ANKS1B: variants seen among roughly 807,000 people sequenced by gnomAD.
ANKS1B encodes ankyrin repeat and sterile alpha motif domain-containing protein 1B.
Under a neutral mutation model 148.3 loss-of-function variants are expected in ANKS1B, and 36 were observed. The observed-to-expected ratio is 0.24, with a 90% CI of 0.19 to 0.32. ANKS1B has a LOEUF of 0.32. ANKS1B is among the 10% of genes least tolerant of loss of function. The pLI, the probability that ANKS1B is intolerant of heterozygous loss-of-function variation, is 1.00. For missense variants in ANKS1B, 1,157 were observed against 1,542.6 expected (o/e 0.75, Z 4.19); for synonymous variants, 542 against 560.8 (o/e 0.97, Z 0.47).
chr12:99,284,031 A>G (rs2078810225), intron 12 of ANKS1B, among the ~76,000 whole-genome samples: 1 of 152,178 alleles, frequency 6.6e-6, no homozygotes, highest in Admixed American at 6.5e-5. Context: ...GTTCTGGGTT[A>G]CCCTGAGGAT....
chr12:99,526,627 T>C (rs969056034), intron 9 of ANKS1B, among the ~76,000 whole-genome samples: 2 of 152,168 alleles, frequency 1.3e-5, no homozygotes, highest in Admixed American at 6.6e-5. Context: ...TGAAACCCCA[T>C]GAAGCTTGAT....
At chr12:98,756,030 C>T (rs761969891) in intron 25 of ANKS1B, among the ~76,000 whole-genome samples, 2 of 152,140 alleles carry the variant, frequency 1.3e-5, no homozygotes, top group Non-Finnish European at 2.9e-5. Context: ...AGGAACATTA[C>T]TCTGGGGGAA....
chr12:99,923,664 T>C (rs2094419154), intron 1 of ANKS1B, among the ~76,000 whole-genome samples: 1 of 152,128 alleles, frequency 6.6e-6, no homozygotes, highest in Admixed American at 6.5e-5. Context: ...AAGAAGGAGA[T>C]TCCTTGGATG....
At chr12:99,574,529 C>A (rs1193710534) in intron 9 of ANKS1B, among the ~76,000 whole-genome samples, 1 of 151,722 alleles carries the variant, frequency 6.6e-6, no homozygotes, top group Non-Finnish European at 1.5e-5. Flanking sequence ...ACACAAAAAT[C>A]CTAAACAAAT....
At chr12:99,340,595 C>T (rs1193396703) in intron 12 of ANKS1B, among the ~76,000 whole-genome samples, 1 of 151,770 alleles carries the variant, frequency 6.6e-6, no homozygotes, top group African/African-American at 2.4e-5. Context: ...TTAGTAATAT[C>T]AATCATTTCC....
At chr12:99,486,222 C>T (rs2096486723) in intron 10 of ANKS1B, among the ~76,000 whole-genome samples, 1 of 151,176 alleles carries the variant, frequency 6.6e-6, no homozygotes, top group African/African-American at 2.4e-5. Context: ...TCCTTTTTTC[C>T]CCTAAAAGAT....
At chr12:99,434,873 C>G (rs181808108) in intron 11 of ANKS1B, among the ~76,000 whole-genome samples, 1 of 151,804 alleles carries the variant, frequency 6.6e-6, no homozygotes, top group Non-Finnish European at 1.5e-5. Context: ...GGGAGAAAAA[C>G]CCCTGAATAA....
At chr12:99,960,432 C>A (rs1363817416) in intron 1 of ANKS1B, among the ~76,000 whole-genome samples, 1 of 152,208 alleles carries the variant, frequency 6.6e-6, no homozygotes. Flanking sequence ...TGCTCCCTAA[C>A]CCTCTGTTTT....
intron 14 of ANKS1B, among the ~76,000 whole-genome samples, chr12:99,228,647 T>C (rs1377959790): frequency 1.3e-5 from 2 of 151,952 alleles, no homozygotes; most frequent in Admixed American, 1.3e-4. Context: ...AATGTGCACA[T>C]AGACGAAGAC....
intron 17 of ANKS1B, among the ~76,000 whole-genome samples, chr12:98,996,443 G>A (rs2099929630): frequency 6.6e-6 from 1 of 152,112 alleles, no homozygotes; most frequent in Non-Finnish European, 1.5e-5. Flanking sequence ...ACTGAAAAGA[G>A]TCTATCCACC....
intron 9 of ANKS1B, among the ~76,000 whole-genome samples, chr12:99,626,231 A>G (rs2098111929): frequency 6.6e-6 from 1 of 152,152 alleles, no homozygotes; most frequent in South Asian, 2.1e-4. Context: ...GCAAATTACA[A>G]ATTTAATTAT....
chr12:99,487,334 T>C (rs1000055287), intron 10 of ANKS1B, among the ~76,000 whole-genome samples: 12 of 152,220 alleles, frequency 7.9e-5, no homozygotes, highest in African/African-American at 2.9e-4. Flanking sequence ...CTTTAAAGTT[T>C]TGTTAGACAA....
chr12:99,080,228 G>T (rs1238517565), intron 16 of ANKS1B, among the ~76,000 whole-genome samples: 1 of 152,166 alleles, frequency 6.6e-6, no homozygotes, highest in African/African-American at 2.4e-5. Flanking sequence ...ACCCAGTTTG[G>T]TTGATAACAA....
chr12:98,938,387 A>G (rs2099824408), intron 17 of ANKS1B, among the ~76,000 whole-genome samples: 1 of 152,194 alleles, frequency 6.6e-6, no homozygotes, highest in Non-Finnish European at 1.5e-5. Flanking sequence ...AGCTTTCAAA[A>G]ATATCAGTGC....
intron 12 of ANKS1B, among the ~76,000 whole-genome samples, chr12:99,290,204 A>C (rs2079751181): frequency 6.6e-6 from 1 of 151,650 alleles, no homozygotes; most frequent in Non-Finnish European, 1.5e-5. Context: ...CAACCTACCA[A>C]GATTGAAGGC....
At chr12:99,694,596 T>C (rs1388707106) in intron 8 of ANKS1B, among the ~76,000 whole-genome samples, 1 of 152,126 alleles carries the variant, frequency 6.6e-6, no homozygotes, top group African/African-American at 2.4e-5. Context: ...GCATCATAAA[T>C]GTAATATCTT....
chr12:99,243,470 G>A (rs1166802215), intron 14 of ANKS1B, among the ~76,000 whole-genome samples: 8 of 152,160 alleles, frequency 5.3e-5, no homozygotes, highest in Non-Finnish European at 8.8e-5. Flanking sequence ...ACAGTGTGGC[G>A]ATTCCTCAAG....
At chr12:99,256,968 G>A (rs1457123415) in intron 12 of ANKS1B, among the ~76,000 whole-genome samples, 1 of 152,008 alleles carries the variant, frequency 6.6e-6, no homozygotes, top group Non-Finnish European at 1.5e-5. Context: ...CATCCCGGCC[G>A]GGTGCAGTGG....
chr12:99,022,315 G>A (rs1350254212), intron 17 of ANKS1B, among the ~76,000 whole-genome samples: 5 of 152,260 alleles, frequency 3.3e-5, no homozygotes, highest in East Asian at 1.9e-4. Context: ...CAGGTGAGAC[G>A]AGTAATCATG....
Sources: gnomAD v4.1 joint callset for allele counts (sites outside exome capture counted in the v4.1 genomes callset) on GRCh38, gnomAD v4.1.1 for gene constraint, MANE v1.5 for transcripts, NCBI Gene and HGNC (gene_info 2026-07-23, HGNC 2026-07-21) for gene names.